The following MGAT4C variants were observed in gnomAD, a reference collection of about 807,000 sequenced individuals.
MGAT4C encodes alpha-1,3-mannosyl-glycoprotein 4-beta-N-acetylglucosaminyltransferase C.
Under a neutral mutation model 40.1 loss-of-function variants are expected in MGAT4C, and 19 were observed. The observed-to-expected ratio is 0.47, with a 90% confidence interval of 0.33 to 0.70. The LOEUF is 0.70. MGAT4C is among the 30% of genes least tolerant of loss of function. The probability of loss-of-function intolerance (pLI) is 0.02; values close to 1 mark genes in which losing one functional copy is unlikely to be tolerated. For synonymous variants in MGAT4C, 181 were observed against 187.1 expected (o/e 0.97, Z 0.27); for missense variants, 491 against 563.2 (o/e 0.87, Z 1.30).
intron 1 of MGAT4C, among the ~76,000 whole-genome samples, chr12:86,100,031 A>C (rs927597518): frequency 6.6e-6 from 1 of 151,264 alleles, no homozygotes; most frequent in African/African-American, 2.4e-5. Flanking sequence ...TTACTACCTT[A>C]GTTTTTTGAA....
chr12:86,485,023 A>G (rs1291279081), intron 2 of MGAT4C, among the ~76,000 whole-genome samples: 3 of 152,222 alleles, frequency 2.0e-5, no homozygotes, highest in African/African-American at 7.2e-5. Context: ...ACTACCTGTG[A>G]CACCCAGGGC....
chr12:86,758,157 T>G (rs1951338071), intron 1 of MGAT4C, among the ~76,000 whole-genome samples: 1 of 152,114 alleles, frequency 6.6e-6, no homozygotes. Context: ...CTCAACAAAC[T>G]GCATTTCAAT....
intron 3 of MGAT4C, among the ~76,000 whole-genome samples, chr12:86,341,096 T>C (rs1171614687): frequency 6.6e-6 from 1 of 152,094 alleles, no homozygotes; most frequent in Non-Finnish European, 1.5e-5. Context: ...GAAACACCCA[T>C]GTACTCACAT....
chr12:86,707,482 C>G (rs749075274), intron 2 of MGAT4C, among the ~76,000 whole-genome samples: 3 of 151,106 alleles, frequency 2.0e-5, no homozygotes, highest in Non-Finnish European at 4.4e-5. Flanking sequence ...AAACTTTGAA[C>G]TTGAGAGAGA....
At position 86,524,791 on chromosome 12, in the gene MGAT4C, G is replaced by T. The variant is rs571003261; in HGVS notation, c.-228-89526C>A. On this transcript the variant is annotated intron_variant, in intron 2 of 7. Transcript: ENST00000548651. ...CTTATTTTTTTCTTTATTCTTTTTTGCCTGTCTTATTTCAGAAAGCCAGTA... is the reference window on the plus strand; with the variant it reads ...CTTATTTTTTTCTTTATTCTTTTTTTCCTGTCTTATTTCAGAAAGCCAGTA... Among the ~76,000 whole-genome samples the T allele has an allele frequency of 4.6e-5, 7 of 151,082 alleles. No homozygotes were observed. The East Asian group carries it at 1.4e-3, about 30-fold the overall frequency.
intron 1 of MGAT4C, among the ~76,000 whole-genome samples, chr12:86,103,184 G>A (rs1875444203): frequency 6.6e-6 from 1 of 152,114 alleles, no homozygotes; most frequent in East Asian, 1.9e-4. Context: ...GGGCTAACTG[G>A]TGATCACAAA....
At chr12:86,028,852 A>C (rs1890480319) in intron 2 of MGAT4C, among the ~76,000 whole-genome samples, 1 of 151,946 alleles carries the variant, frequency 6.6e-6, no homozygotes. Flanking sequence ...ATGACTAAGA[A>C]ATGATATAAG....
chr12:86,551,300 C>G (rs1959348040), intron 2 of MGAT4C, among the ~76,000 whole-genome samples: 1 of 152,216 alleles, frequency 6.6e-6, no homozygotes, highest in Admixed American at 6.5e-5. Context: ...TTGGGCCAGA[C>G]CGGGCAGGCA....
intron 2 of MGAT4C, among the ~76,000 whole-genome samples, chr12:86,501,282 T>C (rs562213813): frequency 6.6e-6 from 1 of 152,264 alleles, no homozygotes; most frequent in South Asian, 2.1e-4. Context: ...TACATTGGAA[T>C]TTTAAAAATT....
At chr12:86,495,473 G>C (rs972781590) in intron 2 of MGAT4C, among the ~76,000 whole-genome samples, 2 of 152,038 alleles carry the variant, frequency 1.3e-5, no homozygotes, top group African/African-American at 4.8e-5. Flanking sequence ...TAGTGCATAG[G>C]ATGGCCCTGC....
At chr12:86,524,007 C>T (rs1958838451) in intron 2 of MGAT4C, among the ~76,000 whole-genome samples, 1 of 152,106 alleles carries the variant, frequency 6.6e-6, no homozygotes, top group Admixed American at 6.6e-5. Context: ...CTCTTGAAGA[C>T]AGCATACAAA....
chr12:86,493,077 C>G (rs911946414), intron 2 of MGAT4C, among the ~76,000 whole-genome samples: 1 of 150,466 alleles, frequency 6.6e-6, no homozygotes, highest in Non-Finnish European at 1.5e-5. Context: ...GAGAGAAATG[C>G]AAATCAAAAC....
intron 2 of MGAT4C, among the ~76,000 whole-genome samples, chr12:86,701,516 T>A (rs1213134717): frequency 6.6e-6 from 1 of 152,166 alleles, no homozygotes; most frequent in Non-Finnish European, 1.5e-5. Flanking sequence ...ATATTTGTTC[T>A]CACTGCTCCA....
At chr12:86,625,403 T>C (rs1480434664) in intron 2 of MGAT4C, among the ~76,000 whole-genome samples, 11 of 152,088 alleles carry the variant, frequency 7.2e-5, no homozygotes, top group Admixed American at 6.6e-4. Flanking sequence ...TTGGAAAATA[T>C]CAATAGAGAT....
chr12:86,723,763 A>C, intron 2 of MGAT4C, among the ~76,000 whole-genome samples: 1 of 152,120 alleles, frequency 6.6e-6, no homozygotes. Flanking sequence ...ATTTTTTCTA[A>C]CAGTTTAATT....
chr12:86,745,269 G>A (rs993190276), intron 1 of MGAT4C: 1 of 151,578 alleles, frequency 6.6e-6, no homozygotes, highest in Admixed American at 6.6e-5. Flanking sequence ...ATGATACCAA[G>A]AAAGGCATAT....
At chr12:85,988,842 T>C (rs1475438503) in intron 3 of MGAT4C, among the ~76,000 whole-genome samples, 1 of 152,034 alleles carries the variant, frequency 6.6e-6, no homozygotes, top group African/African-American at 2.4e-5. Context: ...GATTTACACA[T>C]CAATATCTTT....
At chr12:86,581,853 T>C (rs1273683831) in intron 2 of MGAT4C, among the ~76,000 whole-genome samples, 1 of 151,486 alleles carries the variant, frequency 6.6e-6, no homozygotes, top group African/African-American at 2.4e-5. Flanking sequence ...TTAAGGAATG[T>C]GCTGTGCTGT....
At chr12:86,599,392 A>G (rs1025602391) in intron 2 of MGAT4C, among the ~76,000 whole-genome samples, 2 of 152,220 alleles carry the variant, frequency 1.3e-5, no homozygotes, top group African/African-American at 4.8e-5. Flanking sequence ...TATTGATGAA[A>G]AAATAGCCAT....
Sources: allele counts gnomAD v4.1 joint callset (sites outside exome capture counted in the v4.1 genomes callset), GRCh38; gene constraint gnomAD v4.1.1; transcripts MANE v1.5; gene names NCBI Gene and HGNC (gene_info 2026-07-23, HGNC 2026-07-21).